The following DACH1 variants were observed in gnomAD, a reference collection of about 807,000 sequenced individuals.
DACH1 encodes the protein dachshund homolog 1.
A neutral mutation model predicts 54.2 loss-of-function variants in DACH1; 12 were observed. The ratio of observed to expected loss-of-function variants is 0.22; its 90% confidence interval spans 0.14 to 0.36. The LOEUF is 0.36. Ranked by LOEUF, DACH1 falls within the 10% of genes least tolerant of loss-of-function variation. DACH1 has a pLI of 1.00. For missense variants in DACH1, 805 were observed against 929.8 expected (o/e 0.87, Z 1.75); for synonymous variants, 386 against 366.2 (o/e 1.05, Z -0.62).
intron 10 of DACH1, 73 bp from the exon 11 acceptor site, chr13:71,440,765 A>T (rs2138092376): frequency 8.4e-7 from 1 of 1,185,274 alleles, no homozygotes; most frequent in South Asian, 1.4e-5. Context: ...AAAATGATGT[A>T]ACTTGATATA....
chr13:71,504,238 G>A (rs777976635), intron 6 of DACH1, among the ~76,000 whole-genome samples: 1 of 151,918 alleles, frequency 6.6e-6, no homozygotes, highest in Non-Finnish European at 1.5e-5. Flanking sequence ...AGAAATCTTG[G>A]TTGTTTTACT....
chr13:71,451,507 G>A (rs989668366), intron 10 of DACH1, among the ~76,000 whole-genome samples: 2 of 152,160 alleles, frequency 1.3e-5, no homozygotes, highest in Non-Finnish European at 2.9e-5. Flanking sequence ...GGCTCTAGAT[G>A]TTATGCCTTG....
intron 1 of DACH1, among the ~76,000 whole-genome samples, chr13:71,839,400 G>A (rs558481909): frequency 6.6e-6 from 1 of 152,270 alleles, no homozygotes; most frequent in East Asian, 1.9e-4. Flanking sequence ...GAGGTCAGGA[G>A]ATCAAGATCA....
At chr13:71,816,200 G>A (rs1273091042) in intron 1 of DACH1, among the ~76,000 whole-genome samples, 1 of 152,098 alleles carries the variant, frequency 6.6e-6, no homozygotes, top group Admixed American at 6.6e-5. Context: ...ATAATACAAT[G>A]TACTTGCAAC....
At chr13:71,820,446 AG>A (rs1239713809) in intron 1 of DACH1, among the ~76,000 whole-genome samples, 1 of 152,208 alleles carries the variant, frequency 6.6e-6, no homozygotes, top group Non-Finnish European at 1.5e-5. Flanking sequence ...AGCCTTGACC[AG>A]GGCTTTGTAG....
At chr13:71,590,103 C>T (rs966829929) in intron 3 of DACH1, among the ~76,000 whole-genome samples, 4 of 151,958 alleles carry the variant, frequency 2.6e-5, no homozygotes, top group African/African-American at 9.7e-5. Flanking sequence ...GAAAACATTA[C>T]GGCTGTTCTT....
At chr13:71,508,355 A>G (rs1880495874) in intron 6 of DACH1, among the ~76,000 whole-genome samples, 1 of 152,148 alleles carries the variant, frequency 6.6e-6, no homozygotes, top group Non-Finnish European at 1.5e-5. Flanking sequence ...TTACTCTCAC[A>G]ATTTTTATTT....
chr13:71,578,192 G>A (rs1168865315), intron 3 of DACH1, among the ~76,000 whole-genome samples: 2 of 152,128 alleles, frequency 1.3e-5, no homozygotes, highest in Non-Finnish European at 2.9e-5. Flanking sequence ...ATCGCAAAGG[G>A]ACTAACGGTC....
chr13:71,791,811 A>C (rs1341142549), intron 1 of DACH1, among the ~76,000 whole-genome samples: 1 of 152,214 alleles, frequency 6.6e-6, no homozygotes, highest in Non-Finnish European at 1.5e-5. Flanking sequence ...CCCAACTACA[A>C]CTTGTTTAAG....
chr13:71,640,383 A>G (rs187902228), intron 2 of DACH1, among the ~76,000 whole-genome samples: 51 of 152,210 alleles, frequency 3.4e-4, no homozygotes, highest in African/African-American at 1.2e-3. Context: ...CTTTATGCAC[A>G]AAACTTTTAA....
intron 1 of DACH1, among the ~76,000 whole-genome samples, chr13:71,682,528 G>C (rs929200444): frequency 1.1e-4 from 17 of 152,174 alleles, no homozygotes; most frequent in African/African-American, 3.9e-4. Context: ...TGTGTGAAAA[G>C]GTCTTGCAAT....
chr13:71,866,508 TGCCGCCGCCGCCTCCGCTGCC>T lies in DACH1; in HGVS notation c.241_261del (p.Gly81_Gly87del), dbSNP rs782286752. ...CCACCGCCGCCTCCGTTGCCGCTGCTGCCGCCGCCGCCTCCGCTGCCGCCGCCGCCGCCGCCGCCGCCGGTA... is the reference window on the plus strand; with the variant it reads ...CCACCGCCGCCTCCGTTGCCGCTGCTGCCGCCGCCGCCGCCGCCGCCGGTA... On this transcript the variant is annotated inframe_deletion, in exon 1 of 11. Transcript: ENST00000613252. The T allele has an allele frequency of 1.1e-5, 13 of 1,213,396 alleles. No homozygotes were observed. The highest frequency in any genetic ancestry group is 3.6e-5 in the East Asian group (1 of 27,588). 75.2% of individuals were successfully genotyped at this position (1,213,396 alleles called of 1,614,324 possible). A position where few individuals can be genotyped will look rare whatever the true frequency, so the allele number is the denominator to read the frequency against.
chr13:71,464,156 C>T (rs904187030), intron 10 of DACH1, among the ~76,000 whole-genome samples: 2 of 151,698 alleles, frequency 1.3e-5, no homozygotes, highest in African/African-American at 2.4e-5. Context: ...TGATTTTTCT[C>T]ATATGGATGA....
At chr13:71,688,761 G>T (rs1566433981) in intron 1 of DACH1, among the ~76,000 whole-genome samples, 1 of 152,122 alleles carries the variant, frequency 6.6e-6, no homozygotes, top group African/African-American at 2.4e-5. Flanking sequence ...AACATGGCAG[G>T]TAATTCAGTA....
At chr13:71,684,742 T>C (rs575443852) in intron 1 of DACH1, among the ~76,000 whole-genome samples, 1 of 152,216 alleles carries the variant, frequency 6.6e-6, no homozygotes, top group Non-Finnish European at 1.5e-5. Context: ...GTCCTTAAAA[T>C]GTAGCTCAGT....
At chr13:71,594,838 T>C (rs1324402814) in intron 3 of DACH1, among the ~76,000 whole-genome samples, 1 of 152,142 alleles carries the variant, frequency 6.6e-6, no homozygotes, top group Non-Finnish European at 1.5e-5. Context: ...CAACAAATAT[T>C]AGTTGTAGGC....
At chr13:71,564,430 G>A (rs1262594322) in intron 4 of DACH1, among the ~76,000 whole-genome samples, 1 of 146,888 alleles carries the variant, frequency 6.8e-6, no homozygotes. Context: ...TATAAAACTC[G>A]CCACAATAAT....
chr13:71,853,013 C>G (rs1368375829), intron 1 of DACH1, among the ~76,000 whole-genome samples: 1 of 152,150 alleles, frequency 6.6e-6, no homozygotes, highest in Non-Finnish European at 1.5e-5. Flanking sequence ...GTACAATTAT[C>G]TTTTCATCCT....
intron 6 of DACH1, among the ~76,000 whole-genome samples, chr13:71,546,337 T>C (rs1883464805): frequency 6.6e-6 from 1 of 152,000 alleles, no homozygotes; most frequent in Non-Finnish European, 1.5e-5. Flanking sequence ...TTTTTTAAAG[T>C]AAATTTTTTA....
Sources: gnomAD v4.1 joint callset for allele counts (sites outside exome capture counted in the v4.1 genomes callset) on GRCh38, gnomAD v4.1.1 for gene constraint, MANE v1.5 for transcripts, NCBI Gene and HGNC (gene_info 2026-07-23, HGNC 2026-07-21) for gene names.